Variants in SDK1 observed in about 807,000 individuals in gnomAD.
The protein encoded by SDK1 is sidekick cell adhesion molecule 1.
In SDK1, 157 loss-of-function variants were observed where a neutral mutation model predicts 245.5. The ratio of observed to expected loss-of-function variants is 0.64; its 90% confidence interval spans 0.56 to 0.73. The LOEUF (loss-of-function observed/expected upper bound fraction) is 0.73. Among genes scored for constraint, SDK1 ranks in the 30% least tolerant of loss-of-function variants. SDK1 has a pLI of 0.00. For missense variants in SDK1, 3,583 were observed against 3,002.3 expected (o/e 1.19, Z -4.52); for synonymous variants, 1,647 against 1,278.5 (o/e 1.29, Z -6.15).
At chr7:3,529,237 C>T (rs540326837) in intron 1 of SDK1, among the ~76,000 whole-genome samples, 1 of 152,222 alleles carries the variant, frequency 6.6e-6, no homozygotes, top group East Asian at 1.9e-4. Context: ...CCCAGAAGGC[C>T]TAGGAGCAGT....
intron 5 of SDK1, among the ~76,000 whole-genome samples, chr7:3,943,392 A>G (rs1397189329): frequency 0.029 from 60 of 2,050 alleles, no homozygotes; most frequent in African/African-American, 0.1. Flanking sequence ...TTCTCCCCCC[A>G]CTTCCTCCTC....
At chr7:4,221,435 G>A in intron 40 of SDK1, 71 bp downstream of exon 40, 1 of 1,496,362 alleles carries the variant, frequency 6.7e-7, no homozygotes, top group African/African-American at 1.4e-5. Flanking sequence ...TGTGTCGGGG[G>A]CTTCCATCAC....
chr7:4,168,370 G>A (rs193249087), intron 32 of SDK1, among the ~76,000 whole-genome samples: 5 of 152,332 alleles, frequency 3.3e-5, no homozygotes, highest in Non-Finnish European at 5.9e-5. Flanking sequence ...TGGGCAAGGC[G>A]GATTGGCCAT....
rs185281890 is a variant in SDK1 at position 3,531,451 on chromosome 7, A to G, written c.299-87629A>G. 1.0e-3 allele frequency among the ~76,000 whole-genome samples: 156 copies of G among 152,290 alleles called. 1 individual carries two copies. The highest frequency in any genetic ancestry group is 1.1e-3 in the Non-Finnish European group (76 of 68,012). On this transcript the variant is annotated intron_variant, in intron 1 of 44. Transcript: ENST00000404826. Reference sequence around the variant, plus strand: ...TAAATTTTGCATATTGAATTTAGCTACCATGTCCTTTGGACTTTTTCACTG... The same window carrying G: ...TAAATTTTGCATATTGAATTTAGCTGCCATGTCCTTTGGACTTTTTCACTG...
chr7:4,187,817 T>C (rs371771405), intron 35 of SDK1, among the ~76,000 whole-genome samples: 6 of 152,220 alleles, frequency 3.9e-5, no homozygotes, highest in Admixed American at 6.5e-5. Flanking sequence ...TAAGAGTATG[T>C]TGTTGCCTTC....
At chr7:4,183,205 A>T (rs1181206325) in intron 35 of SDK1, among the ~76,000 whole-genome samples, 3 of 152,178 alleles carry the variant, frequency 2.0e-5, no homozygotes, top group Non-Finnish European at 4.4e-5. Context: ...CCATTTTCAG[A>T]ATGCAAAAGT....
chr7:3,476,243 T>G (rs564151698), intron 1 of SDK1, among the ~76,000 whole-genome samples: 2 of 152,344 alleles, frequency 1.3e-5, no homozygotes, highest in East Asian at 1.9e-4. Context: ...TTTATGGCTT[T>G]CTTTAATGCC....
At position 4,140,203 on chromosome 7, in the gene SDK1, G is replaced by A. The variant is rs572784206; in HGVS notation, c.4229-5519G>A. Among the ~76,000 whole-genome samples, 94 of 152,234 alleles carry A rather than the reference G, an allele frequency of 6.2e-4. 1 individual carries two copies. The highest frequency in any genetic ancestry group is 1.9e-3 in the African/African-American group (77 of 41,536). ...CCAGCCTGCACCTCACAGGCTGCTC[G>A]TCCCCCTCTCAGATCAGTGGCTTTG... On this transcript the variant is annotated intron_variant, in intron 28 of 44. Transcript: ENST00000404826.
chr7:4,193,372 T>TTATATATATATATATATATATATATATA (rs10536828), intron 35 of SDK1, among the ~76,000 whole-genome samples: 1 of 103,074 alleles, frequency 9.7e-6, no homozygotes. Context: ...ATTAAAATAT[T>TTATATATATATATATATATATATATATA]TATATATATA....
chr7:3,356,756 C>G (rs750823903), intron 1 of SDK1, among the ~76,000 whole-genome samples: 6 of 151,932 alleles, frequency 3.9e-5, no homozygotes, highest in Non-Finnish European at 8.8e-5. Context: ...TTCTTTTGTA[C>G]AAAAAATACA....
At chr7:4,171,990 G>A (rs1278587157) in intron 32 of SDK1, among the ~76,000 whole-genome samples, 4 of 152,202 alleles carry the variant, frequency 2.6e-5, no homozygotes, top group African/African-American at 2.4e-5. Context: ...ACTGGGGTCC[G>A]ACACCCCTGG....
At chr7:4,261,568 C>T (rs569040749) in intron 44 of SDK1, among the ~76,000 whole-genome samples, 22 of 152,312 alleles carry the variant, frequency 1.4e-4, no homozygotes, top group South Asian at 4.1e-4. Flanking sequence ...CTAGCCTGGC[C>T]GCTGATGGGA....
In SDK1 at chr7:4,237,707, G is replaced by C. The variant is rs772482065; in HGVS notation, c.6053G>C (p.Ser2018Thr). Residue 2018 changes from serine to threonine, a missense_variant, in exon 42 of 45, where the codon AGC becomes ACC. Transcript: ENST00000404826. ...TTCCTCCTGGTGATGGCTCTGTCCA[G>C]CCTGATCGTCATCCTGCTGGTGGTG... is the stretch of plus-strand genomic sequence containing the variant. ...WWFLLVMALSSLIVILLVVFA... is the reference protein window; with the variant it reads ...WWFLLVMALSTLIVILLVVFA... The C allele has an allele frequency of 1.2e-6, 2 of 1,614,190 alleles. No individual in the cohort carries two copies. The highest frequency in any genetic ancestry group is 1.7e-6 in the Non-Finnish European group (2 of 1,180,044).
chr7:3,321,751 T>C (rs1779811496), intron 1 of SDK1, among the ~76,000 whole-genome samples: 1 of 53,536 alleles, frequency 1.9e-5, no homozygotes, highest in African/African-American at 9.0e-5. Flanking sequence ...CCCCCCTCCT[T>C]CCCCTCCCTC....
At chr7:3,814,114 T>G (rs1779451357) in intron 4 of SDK1, among the ~76,000 whole-genome samples, 1 of 144,194 alleles carries the variant, frequency 6.9e-6, no homozygotes, top group South Asian at 2.3e-4. Flanking sequence ...CTCTTTAGTT[T>G]AATTAGATCC....
At chr7:3,469,314 C>T (rs1781111540) in intron 1 of SDK1, among the ~76,000 whole-genome samples, 2 of 152,046 alleles carry the variant, frequency 1.3e-5, no homozygotes. Flanking sequence ...ACTTGTCGTC[C>T]CAGATACTTG....
chr7:3,781,303 A>G (rs753459293), intron 4 of SDK1, among the ~76,000 whole-genome samples: 4 of 152,256 alleles, frequency 2.6e-5, no homozygotes, highest in Non-Finnish European at 4.4e-5. Flanking sequence ...AGCCAGGCCC[A>G]CAACCCCACC....
intron 1 of SDK1, among the ~76,000 whole-genome samples, chr7:3,461,939 C>T (rs971559789): frequency 3.3e-5 from 5 of 152,150 alleles, no homozygotes; most frequent in Admixed American, 3.3e-4. Flanking sequence ...AGATCAGTTT[C>T]ATCGGCATTT....
At chr7:3,889,141 T>G (rs1583516186) in intron 5 of SDK1, among the ~76,000 whole-genome samples, 1 of 152,224 alleles carries the variant, frequency 6.6e-6, no homozygotes, top group East Asian at 1.9e-4. Flanking sequence ...AAATTGAGAC[T>G]GAAAGTGATA....
Sources: gnomAD v4.1 joint callset for allele counts (sites outside exome capture counted in the v4.1 genomes callset) on GRCh38, gnomAD v4.1.1 for gene constraint, MANE v1.5 for transcripts, NCBI Gene and HGNC (gene_info 2026-07-23, HGNC 2026-07-21) for gene names.